The following NCAM2 variants were observed in gnomAD, a reference collection of about 807,000 sequenced individuals.
NCAM2 encodes N-CAM-2.
Under a neutral mutation model 98.1 loss-of-function variants are expected in NCAM2, and 30 were observed. The ratio of observed to expected loss-of-function variants is 0.31; its 90% CI spans 0.23 to 0.41. NCAM2 has a LOEUF of 0.41. Among genes scored for constraint, NCAM2 ranks in the 10% least tolerant of loss-of-function variants. The pLI is 1.00. For missense variants in NCAM2, 867 were observed against 1,005.8 expected (o/e 0.86, Z 1.87); for synonymous variants, 368 against 342.4 (o/e 1.07, Z -0.83).
intron 1 of NCAM2, among the ~76,000 whole-genome samples, chr21:21,255,427 C>T (rs1021409461): frequency 2.6e-5 from 4 of 152,200 alleles, no homozygotes; most frequent in Non-Finnish European, 4.4e-5. Flanking sequence ...CTCACTTCTG[C>T]CTCTCTGGCA....
At chr21:21,152,906 A>G (rs2067489383) in intron 1 of NCAM2, among the ~76,000 whole-genome samples, 1 of 151,946 alleles carries the variant, frequency 6.6e-6, no homozygotes. Context: ...TAGCCATCTT[A>G]ACTCCTGTAA....
intron 15 of NCAM2, among the ~76,000 whole-genome samples, chr21:21,499,421 A>G (rs1987475656): frequency 6.6e-6 from 1 of 151,928 alleles, no homozygotes; most frequent in African/African-American, 2.4e-5. Flanking sequence ...TTTTGTACTT[A>G]TAGTAGAGAC....
chr21:21,334,396 C>T (rs2074799120), intron 6 of NCAM2, among the ~76,000 whole-genome samples: 1 of 152,092 alleles, frequency 6.6e-6, no homozygotes, highest in Admixed American at 6.6e-5. Context: ...TTAGTGGTTT[C>T]TGGAAAGTAG....
intron 1 of NCAM2, among the ~76,000 whole-genome samples, chr21:21,146,339 G>A (rs2067273530): frequency 6.6e-6 from 1 of 151,302 alleles, no homozygotes; most frequent in African/African-American, 2.4e-5. Flanking sequence ...GTTATAGAGG[G>A]AAAATTGTCT....
At chr21:21,367,393 C>T (rs774815676) in intron 8 of NCAM2, among the ~76,000 whole-genome samples, 7 of 151,848 alleles carry the variant, frequency 4.6e-5, no homozygotes, top group Admixed American at 2.6e-4. Context: ...TAGCAGTTGT[C>T]TCCTCCTATA....
chr21:21,121,610 C>A (rs1453449432), intron 1 of NCAM2, among the ~76,000 whole-genome samples: 1 of 152,186 alleles, frequency 6.6e-6, no homozygotes, highest in Non-Finnish European at 1.5e-5. Context: ...ACAAAATATT[C>A]ATGATCCTTC....
chr21:21,438,803 C>G (rs1978788857), intron 12 of NCAM2, among the ~76,000 whole-genome samples: 1 of 151,694 alleles, frequency 6.6e-6, no homozygotes, highest in Admixed American at 6.6e-5. Flanking sequence ...AAATGTTAGG[C>G]CAGGCATGGT....
At chr21:21,080,323 T>G (rs62207598) in intron 1 of NCAM2, among the ~76,000 whole-genome samples, 25,792 of 152,018 alleles carry the variant, frequency 0.17, 2,408 homozygotes, top group Non-Finnish European at 0.19. Flanking sequence ...TTACCCCAAT[T>G]AAAGACTTCC....
intron 8 of NCAM2, among the ~76,000 whole-genome samples, chr21:21,355,487 G>A (rs200593975): frequency 0.039 from 13 of 332 alleles, no homozygotes; most frequent in Non-Finnish European, 0.07. Context: ...AAAAAAAGGA[G>A]AGAAAGAAAG....
Position 21,005,355 on chromosome 21 carries a change from G to A in NCAM2, c.55+6737G>A, listed in dbSNP as rs534227724. On this transcript the variant is annotated intron_variant, in intron 1 of 17. Coordinates refer to ENST00000400546, the MANE Select transcript of NCAM2 (RefSeq NM_004540.5). ...ATTGAGAAATTGGTAGGAACGTGCC[G>A]CATGAAGTTTTACGTTTATTTAACA... Among the ~76,000 whole-genome samples the A allele has an allele frequency of 6.6e-4, 100 of 152,138 alleles. 1 individual carries two copies. The South Asian group carries it at 0.019, about 29-fold the overall frequency.
intron 1 of NCAM2, among the ~76,000 whole-genome samples, chr21:21,091,223 A>C (rs182116549): frequency 1.3e-5 from 2 of 152,186 alleles, no homozygotes; most frequent in African/African-American, 4.8e-5. Flanking sequence ...TTAGTAGTAC[A>C]TAATTGAAGG....
At chr21:21,013,043 A>G (rs1200353785) in intron 1 of NCAM2, among the ~76,000 whole-genome samples, 1 of 152,162 alleles carries the variant, frequency 6.6e-6, no homozygotes, top group African/African-American at 2.4e-5. Context: ...GAGACACAAC[A>G]ATATTGAAAT....
chr21:21,131,343 A>C (rs1974161), intron 1 of NCAM2, among the ~76,000 whole-genome samples: 1 of 151,664 alleles, frequency 6.6e-6, no homozygotes, highest in South Asian at 2.1e-4. Flanking sequence ...GCATGATCTC[A>C]GCTCACTGCA....
chr21:21,271,047 A>G (rs960450440), intron 1 of NCAM2, among the ~76,000 whole-genome samples: 2 of 152,032 alleles, frequency 1.3e-5, no homozygotes, highest in African/African-American at 4.8e-5. Context: ...ACATTTTTGT[A>G]CATTTTATGT....
chr21:21,189,290 T>C (rs1442421085), intron 1 of NCAM2, among the ~76,000 whole-genome samples: 1 of 152,116 alleles, frequency 6.6e-6, no homozygotes, highest in Non-Finnish European at 1.5e-5. Context: ...TAATATATAA[T>C]AAAATAAAAA....
At chr21:21,110,125 A>G (rs2066425902) in intron 1 of NCAM2, among the ~76,000 whole-genome samples, 1 of 152,202 alleles carries the variant, frequency 6.6e-6, no homozygotes, top group South Asian at 2.1e-4. Context: ...AAGCATTTGC[A>G]GCATTAGGGG....
chr21:21,060,983 A>G (rs896689349), intron 1 of NCAM2, among the ~76,000 whole-genome samples: 3 of 152,224 alleles, frequency 2.0e-5, no homozygotes, highest in Middle Eastern at 3.4e-3. Flanking sequence ...TGAAGATTGT[A>G]TGTGAGGAAG....
At chr21:21,260,912 A>G (rs2071871667) in intron 1 of NCAM2, among the ~76,000 whole-genome samples, 1 of 152,108 alleles carries the variant, frequency 6.6e-6, no homozygotes, top group Non-Finnish European at 1.5e-5. Context: ...ATAGATTGGC[A>G]AATTGGATTA....
intron 12 of NCAM2, among the ~76,000 whole-genome samples, chr21:21,465,125 C>A (rs946923495): frequency 1.3e-5 from 2 of 152,030 alleles, no homozygotes; most frequent in African/African-American, 4.8e-5. Context: ...AACATCTGTA[C>A]AGGATTAAGT....
Sources: gnomAD v4.1 joint callset for allele counts (sites outside exome capture counted in the v4.1 genomes callset) on GRCh38, gnomAD v4.1.1 for gene constraint, MANE v1.5 for transcripts, NCBI Gene and HGNC (gene_info 2026-07-23, HGNC 2026-07-21) for gene names.